SYNDIG1L: variants seen among roughly 807,000 people sequenced by gnomAD.
SYNDIG1L encodes the protein synapse differentiation-inducing gene protein 1-like.
A neutral mutation model predicts 20.1 loss-of-function variants in SYNDIG1L; 13 were observed. The ratio of observed to expected loss-of-function variants is 0.65; its 90% CI spans 0.42 to 1.03. The LOEUF (loss-of-function observed/expected upper bound fraction) is 1.03, where lower values mean the gene tolerates loss of function less well. Ranked by LOEUF, SYNDIG1L falls within the 50% of genes least tolerant of loss-of-function variation. SYNDIG1L has a pLI of 0.00. For synonymous variants in SYNDIG1L, 128 were observed against 129.3 expected, an observed-to-expected ratio of 0.99 and a Z score of 0.07; for missense variants, 294 against 305.1, an observed-to-expected ratio of 0.96 and a Z score of 0.27.
At position 74,409,723 on chromosome 14, in the gene SYNDIG1L, G is replaced by A. The variant is rs746414118; in HGVS notation, c.22C>T (p.Gln8Ter). The A allele has an allele frequency of 4.1e-6, 6 of 1,464,122 alleles. No individual in the cohort carries two copies. The highest frequency in any genetic ancestry group is 2.5e-5 in the East Asian group (1 of 40,742). 90.7% of individuals were successfully genotyped at this position (1,464,122 alleles called of 1,614,324 possible). Residue 8 changes from glutamine (Q) to a stop codon, truncating the protein, a stop_gained, in exon 2 of 4, where the codon CAG becomes TAG. Coordinates refer to ENST00000331628, the MANE Select transcript of SYNDIG1L (RefSeq NM_001105579.2). LOFTEE classifies it high-confidence loss of function. MESLSEL[Q>*]NPLLPRSPAH... ...GGGCTCCTGGGCAGCAGCGGGTTCT[G>A]TAGTTCACTCAGACTCTCCATGGTT...
rs1342000735 is a variant in SYNDIG1L, at chr14:74,407,343, T to G, written c.*192A>C. On this transcript the variant is annotated 3_prime_UTR_variant, in exon 4 of 4. Transcript: ENST00000331628. ...GAGAGTGGCGCCCCGGGCCCTGCTC[T>G]GGGGCTGGGAGCAGCGGGCAAGCAG... 2.5e-6 allele frequency: 2 copies of G among 802,448 alleles called. No homozygotes were observed. The highest frequency in any genetic ancestry group is 5.6e-5 in the Admixed American group (2 of 35,552). 49.7% of individuals were successfully genotyped at this position (802,448 alleles called of 1,614,324 possible). A position where few individuals can be genotyped will look rare whatever the true frequency, so the allele number is the denominator to read the frequency against.
the SYNDIG1L span, among the ~76,000 whole-genome samples, chr14:74,462,981 G>T: frequency 2.6e-5 from 4 of 152,144 alleles, no homozygotes; most frequent in Non-Finnish European, 5.9e-5. Context: ...ATGTGGCAGG[G>T]AACTAACAAG....
the SYNDIG1L span, among the ~76,000 whole-genome samples, chr14:74,444,452 G>T: frequency 3.2e-4 from 48 of 151,910 alleles, no homozygotes; most frequent in Non-Finnish European, 5.7e-4. Context: ...TTCTGATAAT[G>T]CAGAAAAACA....
the SYNDIG1L span, among the ~76,000 whole-genome samples, chr14:74,455,499 G>A: frequency 6.6e-6 from 1 of 150,976 alleles, no homozygotes; most frequent in South Asian, 2.1e-4. Flanking sequence ...AAGTTCAAGC[G>A]ATTCTCGCCT....
chr14:74,442,204 G>C, the SYNDIG1L span, among the ~76,000 whole-genome samples: 1 of 152,096 alleles, frequency 6.6e-6, no homozygotes, highest in South Asian at 2.1e-4. Flanking sequence ...ATACGATTAT[G>C]AGAAAAACTA....
the SYNDIG1L span, among the ~76,000 whole-genome samples, chr14:74,478,781 T>C: frequency 6.6e-6 from 1 of 152,196 alleles, no homozygotes; most frequent in Non-Finnish European, 1.5e-5. Context: ...AAGAAGAATG[T>C]CTGTCTCCCA....
In SYNDIG1L at chr14:74,406,035, C is replaced by G; in HGVS notation, c.*1500G>C. On this transcript the variant is annotated 3_prime_UTR_variant, in exon 4 of 4. Transcript: ENST00000331628. ...GGACAAGGGATGCTCAGTGGTGGAGCCACAGCCCTGGGCTCTGGATGGGGC... is the reference window on the plus strand; with the variant it reads ...GGACAAGGGATGCTCAGTGGTGGAGGCACAGCCCTGGGCTCTGGATGGGGC... 1 of 398,796 alleles carries G rather than the reference C, an allele frequency of 2.5e-6. No homozygotes were observed. The highest frequency in any genetic ancestry group is 4.4e-5 in the Admixed American group (1 of 22,728). The allele number at this position is 398,796 out of a possible 1,614,324, so 24.7% of individuals were successfully genotyped here.
the SYNDIG1L span, among the ~76,000 whole-genome samples, chr14:74,464,506 T>C: frequency 1.3e-5 from 2 of 152,110 alleles, no homozygotes; most frequent in African/African-American, 4.8e-5. Flanking sequence ...TCTTAACTAA[T>C]TGACCTAGGG....
In SYNDIG1L at chr14:74,405,998, G is replaced by A. The variant is rs575072674; in HGVS notation, c.*1537C>T. On this transcript the variant is annotated 3_prime_UTR_variant, in exon 4 of 4. Transcript: ENST00000331628. Reference sequence around the variant, plus strand: ...GAGGGCTGGGCAGTGCCCGAGGCAGGGGAGGACAGTGGGACAAGGGATGCT... The same window carrying A: ...GAGGGCTGGGCAGTGCCCGAGGCAGAGGAGGACAGTGGGACAAGGGATGCT... The A allele has an allele frequency of 2.5e-5, 10 of 398,812 alleles. No homozygotes were observed. The highest frequency in any genetic ancestry group is 4.4e-5 in the Non-Finnish European group (10 of 226,300). The allele number at this position is 398,812 out of a possible 1,614,324, so 24.7% of individuals were successfully genotyped here.
At chr14:74,435,008 A>G in the SYNDIG1L span, among the ~76,000 whole-genome samples, 2 of 139,360 alleles carry the variant, frequency 1.4e-5, no homozygotes, top group African/African-American at 5.4e-5. Flanking sequence ...GAGTGAACCC[A>G]GGAGACGGAG....
chr14:74,430,855 C>T (rs1002242579), upstream of SYNDIG1L, among the ~76,000 whole-genome samples: 2 of 152,190 alleles, frequency 1.3e-5, no homozygotes, highest in South Asian at 2.1e-4. Flanking sequence ...ATTTTTGAAG[C>T]ATCTGCTTTG....
chr14:74,457,840 G>A, the SYNDIG1L span, among the ~76,000 whole-genome samples: 10 of 152,064 alleles, frequency 6.6e-5, no homozygotes, highest in Admixed American at 5.9e-4. Flanking sequence ...GAAGCCTTCA[G>A]TTTTGGAGCT....
upstream of SYNDIG1L, among the ~76,000 whole-genome samples, chr14:74,426,920 G>A (rs1417428788): frequency 2.0e-5 from 3 of 151,910 alleles, no homozygotes; most frequent in African/African-American, 7.3e-5. Context: ...TAAAGCCTCA[G>A]GTTCCTCATG....
chr14:74,423,015 A>AC (rs894108842), intron 1 of SYNDIG1L, among the ~76,000 whole-genome samples: 63 of 152,120 alleles, frequency 4.1e-4, no homozygotes, highest in African/African-American at 1.5e-3. Context: ...TTTCTTAATG[A>AC]CCATGTTGCA....
the SYNDIG1L span, among the ~76,000 whole-genome samples, chr14:74,452,463 G>T: frequency 1.3e-5 from 2 of 152,164 alleles, no homozygotes; most frequent in African/African-American, 4.8e-5. Context: ...ATAAAGAGGA[G>T]TTACCCTGCA....
intron 1 of SYNDIG1L, among the ~76,000 whole-genome samples, chr14:74,424,970 C>T (rs886766763): frequency 1.3e-5 from 2 of 152,174 alleles, no homozygotes; most frequent in African/African-American, 4.8e-5. Flanking sequence ...AACTCCTACT[C>T]TAGTGCTCTT....
At chr14:74,420,601 T>C (rs570554573) in intron 1 of SYNDIG1L, among the ~76,000 whole-genome samples, 1 of 152,190 alleles carries the variant, frequency 6.6e-6, no homozygotes, top group Non-Finnish European at 1.5e-5. Context: ...TAGAAGGCCA[T>C]GCAACCACCT....
At chr14:74,477,017 G>T in the SYNDIG1L span, among the ~76,000 whole-genome samples, 1 of 133,228 alleles carries the variant, frequency 7.5e-6, no homozygotes, top group Non-Finnish European at 1.6e-5. Flanking sequence ...ACTCAACCCT[G>T]TCTCCCCCCA....
intron 1 of SYNDIG1L, among the ~76,000 whole-genome samples, chr14:74,416,652 A>AACAC (rs982501371): frequency 4.0e-5 from 6 of 149,124 alleles, no homozygotes; most frequent in African/African-American, 1.5e-4. Context: ...AAACAAACCA[A>AACAC]ACAAACAAAC....
Sources: gnomAD v4.1 joint callset for allele counts (sites outside exome capture counted in the v4.1 genomes callset) on GRCh38, gnomAD v4.1.1 for gene constraint, MANE v1.5 for transcripts, NCBI Gene and HGNC (gene_info 2026-07-23, HGNC 2026-07-21) for gene names.